Variants in ZNF185 observed in about 807,000 individuals in gnomAD.
The protein encoded by ZNF185 is zinc finger protein 185.
In ZNF185, 56 loss-of-function variants were observed where a neutral mutation model predicts 58.6. That is an observed-to-expected ratio of 0.95 (90% CI 0.77 to 1.19). ZNF185 has a LOEUF of 1.19. Ranked by LOEUF, ZNF185 falls within the 50% of genes most tolerant of loss-of-function variation. The pLI, the probability that ZNF185 is intolerant of heterozygous loss-of-function variation, is 0.00. For synonymous variants in ZNF185, 230 were observed against 215.9 expected, an observed-to-expected ratio of 1.07 and a Z score of -0.57; for missense variants, 627 against 573.5, an observed-to-expected ratio of 1.09 and a Z score of -0.95.
intron 6 of ZNF185, among the ~76,000 whole-genome samples, 175 bp downstream of exon 7, chrX:152,918,329 G>A (rs1264106835): frequency 1.8e-5 from 2 of 113,073 alleles, no homozygotes; most frequent in Admixed American, 1.9e-4. Context: ...AGGGTAACAA[G>A]CCCCAGAAAA....
chrX:152,926,124 G>A (rs1452486328), intron 11 of ZNF185, among the ~76,000 whole-genome samples: 4 of 112,627 alleles, frequency 3.6e-5, no homozygotes, highest in African/African-American at 1.3e-4. Context: ...CTGGCAGAGC[G>A]TCTGGGGAGC....
chrX:152,906,664 C>T, the ZNF185 span, among the ~76,000 whole-genome samples: 1 of 112,463 alleles, frequency 8.9e-6, no homozygotes, highest in African/African-American at 3.2e-5. Flanking sequence ...GTGAGTGATC[C>T]CTGTGAGCCT....
At chrX:152,946,930 C>T (rs1401809870) in intron 16 of ZNF185, among the ~76,000 whole-genome samples, 1 of 111,523 alleles carries the variant, frequency 9.0e-6, no homozygotes, top group Non-Finnish European at 1.9e-5. Flanking sequence ...CAGGAGAGTG[C>T]CACAGCCAGA....
At chrX:152,948,216 A>T (rs1421805941) in intron 16 of ZNF185, among the ~76,000 whole-genome samples, 1 of 111,057 alleles carries the variant, frequency 9.0e-6, no homozygotes, top group Non-Finnish European at 1.9e-5. Flanking sequence ...CCTTGAGGGG[A>T]GTAGGTTGGG....
chrX:152,946,001 C>G (rs1347539551), intron 16 of ZNF185, among the ~76,000 whole-genome samples: 1 of 112,328 alleles, frequency 8.9e-6, no homozygotes, highest in Non-Finnish European at 1.9e-5. Flanking sequence ...TGCCACTGTG[C>G]ATGAGCAAGA....
chrX:152,938,629 CAG>C (rs782141731), intron 15 of ZNF185, among the ~76,000 whole-genome samples: 1 of 111,154 alleles, frequency 9.0e-6, no homozygotes, highest in South Asian at 3.8e-4. Context: ...AGAGGAGGCT[CAG>C]TGAACTAGGT....
chrX:152,956,220 C>G (rs1297720870), intron 16 of ZNF185, among the ~76,000 whole-genome samples: 1 of 111,590 alleles, frequency 9.0e-6, no homozygotes, highest in Non-Finnish European at 1.9e-5. Context: ...TTGAAGTATG[C>G]TGTTTACCTG....
At chrX:152,934,276 G>T (rs1350474680) in intron 14 of ZNF185, among the ~76,000 whole-genome samples, 1 of 112,210 alleles carries the variant, frequency 8.9e-6, no homozygotes, top group African/African-American at 3.2e-5. Flanking sequence ...CCCCACAGTG[G>T]TGCAGCTTGA....
At chrX:152,931,645 GT>G in intron 12 of ZNF185, 26 bp from the exon 14 acceptor site, 1 of 1,171,704 alleles carries the variant, frequency 8.5e-7, no homozygotes, top group Non-Finnish European at 1.2e-6. Context: ...CTGCTGCATG[GT>G]TAACTTCCAT....
At chrX:152,937,970 C>T (rs1464070874) in intron 14 of ZNF185, 104 bp from the exon 17 acceptor site, 1 of 748,446 alleles carries the variant, frequency 1.3e-6, no homozygotes, top group Non-Finnish European at 2.0e-6. Context: ...TACTGGAAGA[C>T]ACAGTTCCTC....
the ZNF185 span, among the ~76,000 whole-genome samples, chrX:152,909,112 T>C: frequency 8.9e-6 from 1 of 112,552 alleles, no homozygotes; most frequent in African/African-American, 3.2e-5. Flanking sequence ...CTCTGGAGGC[T>C]TCACTGGCTT....
the ZNF185 span, among the ~76,000 whole-genome samples, chrX:152,907,960 T>C: frequency 0.12 from 13,998 of 112,181 alleles, 715 homozygotes; most frequent in African/African-American, 0.21. Flanking sequence ...TGACCAGAAA[T>C]GTGCCCACAC....
chrX:152,913,185 A>G (rs1306733736), upstream of ZNF185, among the ~76,000 whole-genome samples: 1 of 112,179 alleles, frequency 8.9e-6, no homozygotes, highest in Non-Finnish European at 1.9e-5. Flanking sequence ...GGCCCAGGGG[A>G]TGAAAGGCCC....
chrX:152,902,380 G>A, the ZNF185 span, among the ~76,000 whole-genome samples: 1 of 113,243 alleles, frequency 8.8e-6, no homozygotes, highest in East Asian at 2.8e-4. Flanking sequence ...TTCCCAGAGA[G>A]CTTGATGTGG....
At chrX:152,952,200 C>T (rs1476346670) in intron 16 of ZNF185, among the ~76,000 whole-genome samples, 1 of 112,231 alleles carries the variant, frequency 8.9e-6, no homozygotes, top group Non-Finnish European at 1.9e-5. Flanking sequence ...CTCAAAGACA[C>T]ATAGGTGTCT....
rs1556917168 is a variant in ZNF185 at position 152,969,411 on chromosome X, A to T, written c.1901A>T (p.Asn634Ile). Residue 634 changes from asparagine (N) to isoleucine (I), a missense_variant, in exon 21 of 23, where the codon AAC (asparagine) becomes ATC (isoleucine). Asn to Ile is a moderately radical substitution (Grantham distance 149). Transcript: ENST00000449285. ...ACTGGAGGGATCTGTACTTACTGCA[A>T]CCGTGAGATCCGAGACTGTCCAAAG... is the stretch of plus-strand genomic sequence containing the variant. The T allele has an allele frequency of 3.3e-6, 4 of 1,206,980 alleles. No homozygotes were observed. In the African/African-American group the frequency reaches 7.0e-5, roughly 21 times the overall value.
At chrX:152,949,660 T>C (rs1298630119) in intron 16 of ZNF185, among the ~76,000 whole-genome samples, 1 of 111,401 alleles carries the variant, frequency 9.0e-6, no homozygotes, top group Non-Finnish European at 1.9e-5. Flanking sequence ...CTAGATGTGC[T>C]CTCCTAGTGG....
chrX:152,957,404 C>T (rs1556905873), intron 16 of ZNF185, among the ~76,000 whole-genome samples: 1 of 111,631 alleles, frequency 9.0e-6, no homozygotes, highest in Non-Finnish European at 1.9e-5. Flanking sequence ...AGCCAGGAAT[C>T]GAACCCAGAC....
Position 152,914,514 on chromosome X carries a change from C to T in ZNF185, c.25C>T (p.Arg9Cys), listed in dbSNP as rs781873799. The change falls in exon 1 of 23, where the codon CGC becomes TGC. Residue 9 changes from arginine to cysteine, a missense_variant. Coordinates refer to ENST00000449285, the Ensembl canonical transcript of ZNF185. ...CATGAGTATCTCAGCTCTTGGAGGC[C>T]GCACCAAAGGTGAGGCCTGGGCTCC... The T allele has an allele frequency of 1.5e-5, 18 of 1,181,245 alleles. No homozygotes were observed. The East Asian group carries it at 1.5e-4, about 10-fold the overall frequency.
Sources: allele counts gnomAD v4.1 joint callset (sites outside exome capture counted in the v4.1 genomes callset), GRCh38; gene constraint gnomAD v4.1.1; transcripts MANE v1.5; gene names NCBI Gene and HGNC (gene_info 2026-07-23, HGNC 2026-07-21).